ME1: variants seen among roughly 807,000 people sequenced by gnomAD.
ME1 encodes malic enzyme 1.
A neutral mutation model predicts 66.4 loss-of-function variants in ME1; 74 were observed. The observed-to-expected ratio is 1.11, with a 90% confidence interval of 0.92 to 1.35. The LOEUF is 1.35. Among genes scored for constraint, ME1 ranks in the 40% most tolerant of loss-of-function variants. The pLI is 0.00. For missense variants in ME1, 750 were observed against 694.1 expected (o/e 1.08, Z -0.90); for synonymous variants, 251 against 235.6 (o/e 1.07, Z -0.60).
At chr6:83,218,563 A>G (rs1327409705) in intron 12 of ME1, among the ~76,000 whole-genome samples, 1 of 152,216 alleles carries the variant, frequency 6.6e-6, no homozygotes, top group African/African-American at 2.4e-5. Context: ...TCAAGCGGCC[A>G]TAGCAGAGGA....
At chr6:83,283,311 T>C (rs1767340492) in intron 6 of ME1, among the ~76,000 whole-genome samples, 1 of 147,116 alleles carries the variant, frequency 6.8e-6, no homozygotes. Context: ...CTCAGCAAAC[T>C]AACACAGGAA....
chr6:83,341,871 T>G (rs181886102), intron 5 of ME1, among the ~76,000 whole-genome samples: 1 of 152,232 alleles, frequency 6.6e-6, no homozygotes, highest in Admixed American at 6.5e-5. Flanking sequence ...GACTGGTTGG[T>G]TTTTGCAACC....
At chr6:83,219,317 G>A (rs1233666395) in intron 12 of ME1, among the ~76,000 whole-genome samples, 1 of 152,184 alleles carries the variant, frequency 6.6e-6, no homozygotes, top group African/African-American at 2.4e-5. Flanking sequence ...AAAATGAATA[G>A]CACAATGTTA....
At chr6:83,305,730 G>A (rs1189742582) in intron 6 of ME1, among the ~76,000 whole-genome samples, 1 of 152,056 alleles carries the variant, frequency 6.6e-6, no homozygotes, top group East Asian at 1.9e-4. Flanking sequence ...ACTAATGTTA[G>A]GTCCAGATAC....
In ME1 at chr6:83,273,202, C is replaced by G. The variant is rs1464677119; in HGVS notation, c.705-19464G>C. On this transcript the variant is annotated intron_variant, in intron 6 of 13. Transcript: ENST00000369705. ...AAAAAAAAAAAAAAAAAAAAAGACA[C>G]TGTATAAAGCTGTAATACTAGTTTC... Among the ~76,000 whole-genome samples, 9 of 143,224 alleles carry G rather than the reference C, an allele frequency of 6.3e-5. No individual in the cohort carries two copies. The East Asian group carries it at 1.8e-3, about 29-fold the overall frequency. The allele number at this position is 143,224 out of a possible 152,430, so 94.0% of individuals were successfully genotyped here. A position where few individuals can be genotyped will look rare whatever the true frequency, so the allele number is the denominator to read the frequency against.
intron 3 of ME1, among the ~76,000 whole-genome samples, chr6:83,369,625 G>A (rs1486011168): frequency 6.7e-6 from 1 of 148,670 alleles, no homozygotes; most frequent in Non-Finnish European, 1.5e-5. Flanking sequence ...GACCTTGTCA[G>A]AAAAAGAAAA....
intron 12 of ME1, among the ~76,000 whole-genome samples, chr6:83,220,078 T>C (rs541357653): frequency 5.3e-5 from 8 of 152,344 alleles, no homozygotes; most frequent in African/African-American, 9.6e-5. Context: ...ATTCCACCTA[T>C]AAACACCAGG....
chr6:83,308,600 T>C (rs148430612), intron 6 of ME1, among the ~76,000 whole-genome samples: 2 of 151,708 alleles, frequency 1.3e-5, no homozygotes, highest in African/African-American at 2.4e-5. Flanking sequence ...CTTCCATTCA[T>C]ACTTTTCATT....
At chr6:83,314,315 G>A (rs1043487706) in intron 6 of ME1, among the ~76,000 whole-genome samples, 8 of 152,136 alleles carry the variant, frequency 5.3e-5, no homozygotes. Context: ...AACATTTTGA[G>A]CGCTGATATG....
intron 6 of ME1, among the ~76,000 whole-genome samples, chr6:83,255,583 T>C (rs1766750324): frequency 6.6e-6 from 1 of 152,064 alleles, no homozygotes; most frequent in African/African-American, 2.4e-5. Flanking sequence ...ACTTTTACTG[T>C]TAGGCCATAG....
intron 1 of ME1, among the ~76,000 whole-genome samples, chr6:83,421,260 T>C (rs1770260894): frequency 6.6e-6 from 1 of 151,930 alleles, no homozygotes; most frequent in Admixed American, 6.6e-5. Flanking sequence ...GTATAGCAAC[T>C]ATGTACCCAG....
intron 5 of ME1, among the ~76,000 whole-genome samples, chr6:83,317,932 T>C (rs954661719): frequency 2.0e-5 from 3 of 152,048 alleles, no homozygotes; most frequent in Non-Finnish European, 4.4e-5. Flanking sequence ...CAAAACAGCA[T>C]GGTACTGGTA....
chr6:83,379,100 C>T (rs1769346617), intron 3 of ME1, among the ~76,000 whole-genome samples: 3 of 152,028 alleles, frequency 2.0e-5, no homozygotes. Context: ...AAACTCTGCT[C>T]TATTTTGTTG....
intron 3 of ME1, among the ~76,000 whole-genome samples, chr6:83,397,158 A>G (rs1769748807): frequency 6.6e-6 from 1 of 152,236 alleles, no homozygotes; most frequent in African/African-American, 2.4e-5. Context: ...TAAAAAGCTC[A>G]GCACAGCAGT....
intron 6 of ME1, among the ~76,000 whole-genome samples, chr6:83,284,415 C>T (rs533808659): frequency 2.0e-5 from 3 of 152,184 alleles, no homozygotes; most frequent in Admixed American, 6.5e-5. Context: ...CACCCTTCTA[C>T]CAAAACCTGG....
intron 7 of ME1, among the ~76,000 whole-genome samples, chr6:83,253,363 C>A (rs1447686885): frequency 6.6e-6 from 1 of 151,938 alleles, no homozygotes; most frequent in Non-Finnish European, 1.5e-5. Context: ...ACATTTCATT[C>A]TTTGTTTAGC....
At chr6:83,340,143 G>C (rs140041078) in intron 5 of ME1, among the ~76,000 whole-genome samples, 3,386 of 152,158 alleles carry the variant, frequency 0.022, 69 homozygotes, top group Middle Eastern at 0.051. Context: ...TTTACTGAGT[G>C]CTATAATTTG....
At chr6:83,306,778 GA>G (rs752551505) in intron 6 of ME1, among the ~76,000 whole-genome samples, 5 of 151,962 alleles carry the variant, frequency 3.3e-5, no homozygotes, top group Non-Finnish European at 5.9e-5. Context: ...GGGATAGTCA[GA>G]AAAAAGCAAT....
intron 2 of ME1, among the ~76,000 whole-genome samples, chr6:83,404,261 G>T (rs1769892188): frequency 7.1e-6 from 1 of 140,456 alleles, no homozygotes; most frequent in African/African-American, 2.5e-5. Context: ...GACCAGTGAT[G>T]ATGAGTTTTT....
Sources: gnomAD v4.1 joint callset for allele counts (sites outside exome capture counted in the v4.1 genomes callset) on GRCh38, gnomAD v4.1.1 for gene constraint, MANE v1.5 for transcripts, NCBI Gene and HGNC (gene_info 2026-07-23, HGNC 2026-07-21) for gene names.